C11orf65: variants seen among roughly 807,000 people sequenced by gnomAD.
C11orf65 encodes the protein chromosome 11 open reading frame 65, also known as protein MFI.
In C11orf65, 38 loss-of-function variants were observed where a neutral mutation model predicts 35.3. The observed-to-expected ratio is 1.08, with a 90% confidence interval of 0.83 to 1.41. The LOEUF (loss-of-function observed/expected upper bound fraction) is 1.41, where lower values mean the gene tolerates loss of function less well. Among genes scored for constraint, C11orf65 ranks in the 40% most tolerant of loss-of-function variants. The pLI is 0.00. For missense variants in C11orf65, 370 were observed against 367.1 expected (o/e 1.01, Z -0.06); for synonymous variants, 105 against 114.4 (o/e 0.92, Z 0.53).
downstream of C11orf65, among the ~76,000 whole-genome samples, chr11:108,328,479 C>A (rs556163060): frequency 7.2e-5 from 11 of 152,264 alleles, no homozygotes; most frequent in South Asian, 1.9e-3. Flanking sequence ...CTCCTGACCT[C>A]AAGTGATCCA....
intron 1 of C11orf65, among the ~76,000 whole-genome samples, chr11:108,463,461 A>T (rs960599162): frequency 2.6e-5 from 4 of 151,980 alleles, no homozygotes; most frequent in African/African-American, 9.7e-5. Context: ...AAAAAAACTT[A>T]TGTCTTTTTT....
intron 2 of C11orf65, among the ~76,000 whole-genome samples, chr11:108,374,894 AAAATG>A (rs2091679840): frequency 6.6e-6 from 1 of 152,240 alleles, no homozygotes; most frequent in Non-Finnish European, 1.5e-5. Context: ...TCAGCAATGG[AAAATG>A]AAATGAATAA....
At chr11:108,359,150 T>C (rs369728460) in intron 2 of C11orf65, among the ~76,000 whole-genome samples, 4 of 150,400 alleles carry the variant, frequency 2.7e-5, no homozygotes, top group Middle Eastern at 3.4e-3. Flanking sequence ...GCAATCCTAG[T>C]CTCTGATAAA....
At chr11:108,375,952 T>C (rs2091711086) in intron 2 of C11orf65, among the ~76,000 whole-genome samples, 1 of 152,202 alleles carries the variant, frequency 6.6e-6, no homozygotes, top group Non-Finnish European at 1.5e-5. Flanking sequence ...TACATATATA[T>C]GCAACCAATA....
At chr11:108,376,433 A>G (rs2091728564) in intron 2 of C11orf65, among the ~76,000 whole-genome samples, 1 of 152,260 alleles carries the variant, frequency 6.6e-6, no homozygotes, top group African/African-American at 2.4e-5. Flanking sequence ...GAAACCAACA[A>G]GAACAAAGAC....
At chr11:108,453,411 C>T (rs1034588502) in intron 2 of C11orf65, among the ~76,000 whole-genome samples, 1 of 151,348 alleles carries the variant, frequency 6.6e-6, no homozygotes, top group South Asian at 2.1e-4. Flanking sequence ...ACAGTAATTA[C>T]AATAAATATA....
chr11:108,341,564 A>C (rs1217909383), intron 2 of C11orf65, among the ~76,000 whole-genome samples: 1 of 152,158 alleles, frequency 6.6e-6, no homozygotes, highest in Non-Finnish European at 1.5e-5. Flanking sequence ...ATGCTTCCTT[A>C]AGACACAAAA....
At chr11:108,330,276 A>C (rs778482902), downstream of C11orf65, 36 of 1,614,092 alleles carry the variant, frequency 2.2e-5, 1 homozygote, top group South Asian at 4.0e-4. Flanking sequence ...GCACTGAAAG[A>C]GGATCGTAAA....
chr11:108,412,024 C>A (rs1178445220), intron 3 of C11orf65, among the ~76,000 whole-genome samples: 1 of 152,124 alleles, frequency 6.6e-6, no homozygotes, highest in African/African-American at 2.4e-5. Context: ...TATCCACCCA[C>A]CTCGGCCTCC....
chr11:108,449,070 C>G (rs1203540796), intron 2 of C11orf65, among the ~76,000 whole-genome samples: 1 of 152,172 alleles, frequency 6.6e-6, no homozygotes, highest in Non-Finnish European at 1.5e-5. Flanking sequence ...GGGAATCCAA[C>G]TTACAAGGGA....
chr11:108,397,728 C>T lies in C11orf65; in HGVS notation c.561-4350G>A, dbSNP rs548435554. The stretch of plus-strand genomic sequence containing the variant: ...ACACAAAGTAAAATTTCTCATTCAC[C>T]CCCTGCAACTCTATGAAAAGGAAAT... On this transcript the variant is annotated intron_variant, in intron 6 of 8. Transcript: ENST00000393084. Among the ~76,000 whole-genome samples the T allele has an allele frequency of 3.9e-5, 6 of 152,214 alleles. No homozygotes were observed. The East Asian group carries it at 7.7e-4, about 20-fold the overall frequency.
At chr11:108,353,106 T>G (rs1279485807) in intron 2 of C11orf65, among the ~76,000 whole-genome samples, 2 of 152,292 alleles carry the variant, frequency 1.3e-5, no homozygotes, top group African/African-American at 4.8e-5. Flanking sequence ...TTCTGTATGA[T>G]TTCTTACAAC....
chr11:108,401,474 G>A (rs573426502), intron 6 of C11orf65, among the ~76,000 whole-genome samples: 1 of 152,320 alleles, frequency 6.6e-6, no homozygotes, highest in East Asian at 1.9e-4. Flanking sequence ...GCATTGTGAA[G>A]ACCCTGTTTC....
intron 2 of C11orf65, among the ~76,000 whole-genome samples, chr11:108,460,938 T>A (rs2093466826): frequency 6.6e-6 from 1 of 151,976 alleles, no homozygotes; most frequent in Non-Finnish European, 1.5e-5. Flanking sequence ...TTCGTCAGGC[T>A]GGTCTCAAAC....
At chr11:108,395,209 G>A (rs1362204872) in intron 6 of C11orf65, among the ~76,000 whole-genome samples, 1 of 151,962 alleles carries the variant, frequency 6.6e-6, no homozygotes, top group Non-Finnish European at 1.5e-5. Context: ...CATGTGGGAT[G>A]GGCATGGATG....
intron 3 of C11orf65, among the ~76,000 whole-genome samples, chr11:108,431,267 A>G (rs1272010330): frequency 6.6e-6 from 1 of 152,210 alleles, no homozygotes; most frequent in East Asian, 1.9e-4. Flanking sequence ...AAAAATACAA[A>G]AGTCAATCAA....
In C11orf65 at chr11:108,325,472, A is replaced by T; in HGVS notation, c.641-16401T>A. The T allele has an allele frequency of 6.2e-7, 1 of 1,613,762 alleles. No individual in the cohort carries two copies. The highest frequency in any genetic ancestry group is 8.5e-7 in the Non-Finnish European group (1 of 1,179,922). On this transcript the variant is annotated intron_variant, in intron 6 of 6. Transcript: ENST00000525729. ...AGGAAATGGACAACTCACAAAGAGA[A>T]TGTATTAAGGACATTCTCACCAAAC...
intron 2 of C11orf65, among the ~76,000 whole-genome samples, chr11:108,440,329 C>T (rs1018154942): frequency 2.0e-5 from 3 of 152,232 alleles, no homozygotes; most frequent in East Asian, 3.9e-4. Flanking sequence ...TTATGGGTTA[C>T]GAATTCTGGT....
chr11:108,342,867 T>A (rs774825525), intron 2 of C11orf65, among the ~76,000 whole-genome samples: 5 of 152,162 alleles, frequency 3.3e-5, no homozygotes, highest in Non-Finnish European at 7.4e-5. Flanking sequence ...CCAAATTTAA[T>A]TGATACTAAA....
Sources: allele counts gnomAD v4.1 joint callset (sites outside exome capture counted in the v4.1 genomes callset), GRCh38; gene constraint gnomAD v4.1.1; transcripts MANE v1.5; gene names NCBI Gene and HGNC (gene_info 2026-07-23, HGNC 2026-07-21).